LOXL2: variants seen among roughly 807,000 people sequenced by gnomAD.
LOXL2 encodes lysyl oxidase homolog 2.
In LOXL2, 70 loss-of-function variants were observed where a neutral mutation model predicts 93.0. The observed-to-expected ratio is 0.75, with a 90% CI of 0.62 to 0.92. LOXL2 has a LOEUF of 0.92. Among genes scored for constraint, LOXL2 ranks in the 40% least tolerant of loss-of-function variants. The probability of loss-of-function intolerance (pLI) is 0.00; values close to 1 mark genes in which losing one functional copy is unlikely to be tolerated. For synonymous variants in LOXL2, 438 were observed against 413.2 expected (o/e 1.06, Z -0.73); for missense variants, 973 against 1,054.9 (o/e 0.92, Z 1.08).
intron 1 of LOXL2, among the ~76,000 whole-genome samples, chr8:23,397,655 G>A (rs989731901): frequency 2.6e-5 from 4 of 151,994 alleles, no homozygotes; most frequent in African/African-American, 9.7e-5. Flanking sequence ...GCGGGCGCCT[G>A]TGGTCCCAGC....
intron 1 of LOXL2, among the ~76,000 whole-genome samples, chr8:23,401,226 G>A (rs1458985723): frequency 1.3e-5 from 2 of 152,182 alleles, no homozygotes; most frequent in African/African-American, 4.8e-5. Context: ...AGAATCAAAT[G>A]ACATAGTGGA....
At chr8:23,347,462 A>C (rs1804011575) in intron 3 of LOXL2, among the ~76,000 whole-genome samples, 1 of 152,132 alleles carries the variant, frequency 6.6e-6, no homozygotes, top group African/African-American at 2.4e-5. Flanking sequence ...GTTCGAGACC[A>C]GCCTGACTAA....
At chr8:23,300,190 C>T (rs1004163031) in intron 12 of LOXL2, among the ~76,000 whole-genome samples, 2 of 152,166 alleles carry the variant, frequency 1.3e-5, no homozygotes, top group African/African-American at 2.4e-5. Flanking sequence ...AGCAAGGGCT[C>T]GTGTTGGGGA....
chr8:23,318,581 G>A (rs1803443629), intron 8 of LOXL2, among the ~76,000 whole-genome samples: 1 of 152,122 alleles, frequency 6.6e-6, no homozygotes, highest in Non-Finnish European at 1.5e-5. Flanking sequence ...TGTAATCAGT[G>A]GCAGATTTGG....
At chr8:23,374,397 C>T (rs1162865357) in intron 1 of LOXL2, among the ~76,000 whole-genome samples, 5 of 152,114 alleles carry the variant, frequency 3.3e-5, no homozygotes, top group African/African-American at 1.2e-4. Context: ...GTGAATAGTG[C>T]CGCAATAAAC....
intron 1 of LOXL2, among the ~76,000 whole-genome samples, chr8:23,376,554 G>A (rs967350024): frequency 2.6e-5 from 4 of 152,154 alleles, no homozygotes; most frequent in African/African-American, 4.8e-5. Flanking sequence ...ATTCGGCTGC[G>A]AATCTGTCTG....
At position 23,371,509 on chromosome 8, in the gene LOXL2, T is replaced by A. The variant is rs183811689; in HGVS notation, c.-83-3075A>T. 3.5e-3 allele frequency among the ~76,000 whole-genome samples: 532 copies of A among 152,002 alleles called. 3 individuals carry two copies. The highest frequency in any genetic ancestry group is 0.012 in the African/African-American group (516 of 41,430). ...GGCTCACGCCTGTAATCCCAGCACT[T>A]TGGGAGGCTGAGGCGGGCGGATCAC... is the stretch of plus-strand genomic sequence containing the variant. On this transcript the variant is annotated intron_variant, in intron 1 of 13. Transcript: ENST00000389131.
chr8:23,304,492 G>A (rs1478363254), intron 10 of LOXL2, among the ~76,000 whole-genome samples: 1 of 152,184 alleles, frequency 6.6e-6, no homozygotes, highest in East Asian at 1.9e-4. Flanking sequence ...CCATTACAGG[G>A]ACATTTGGAA....
intron 1 of LOXL2, among the ~76,000 whole-genome samples, chr8:23,372,123 A>G (rs1375875115): frequency 6.6e-6 from 1 of 152,224 alleles, no homozygotes; most frequent in Non-Finnish European, 1.5e-5. Context: ...AAACTCCAAT[A>G]TATCAGTAAT....
chr8:23,368,523 A>G lies in LOXL2; in HGVS notation c.-83-89T>C, dbSNP rs1030816784. 3 of 619,654 alleles carry G rather than the reference A, an allele frequency of 4.8e-6. No individual in the cohort carries two copies. The African/African-American group carries it at 5.5e-5, about 11-fold the overall frequency. 38.4% of individuals were successfully genotyped at this position (619,654 alleles called of 1,614,324 possible). ...CAGCGATTTCATACCCCTTGGCTTA[A>G]TATGGAAAGCTCGTCCATTCTCGAC... On this transcript the variant is annotated intron_variant, in intron 1 of 13. Coordinates refer to ENST00000389131, the MANE Select transcript of LOXL2 (RefSeq NM_002318.3).
At chr8:23,331,375 C>T (rs1044199791) in intron 5 of LOXL2, 3 of 152,328 alleles carry the variant, frequency 2.0e-5, no homozygotes, top group Admixed American at 2.0e-4. Flanking sequence ...TGGTGACAGC[C>T]CACCTGGAAC....
At chr8:23,298,752 C>T (rs1803078908) in intron 13 of LOXL2, 84 bp downstream of exon 13, 2 of 820,888 alleles carry the variant, frequency 2.4e-6, no homozygotes, top group South Asian at 1.4e-5. Flanking sequence ...AGCTCTTTAC[C>T]CAAATTAGGA....
intron 2 of LOXL2, among the ~76,000 whole-genome samples, chr8:23,361,580 C>T (rs542020404): frequency 1.3e-5 from 2 of 152,282 alleles, no homozygotes; most frequent in East Asian, 1.9e-4. Flanking sequence ...CAGTGGCTCA[C>T]GCCTGTAATC....
chr8:23,346,205 T>TAAAATAAAATAAAATAAAATA (rs139242619), intron 3 of LOXL2, among the ~76,000 whole-genome samples: 1 of 80,962 alleles, frequency 1.2e-5, no homozygotes, highest in African/African-American at 6.6e-5. Context: ...TAAAATAAAA[T>TAAAATAAAATAAAATAAAATA]AAATAAAATA....
intron 1 of LOXL2, among the ~76,000 whole-genome samples, chr8:23,399,521 C>A (rs4871874): frequency 0.098 from 14,971 of 152,108 alleles, 765 homozygotes; most frequent in South Asian, 0.17. Context: ...GGAAAAGAGA[C>A]TTGAGCTAGC....
At chr8:23,363,927 T>C (rs1279383574) in intron 2 of LOXL2, 1 of 152,266 alleles carries the variant, frequency 6.6e-6, no homozygotes, top group Admixed American at 6.5e-5. Flanking sequence ...CAGGCTGGAG[T>C]GCAGTGGTGC....
Position 23,341,206 on chromosome 8 carries a change from G to A in LOXL2, c.532-3C>T. On this transcript the variant is annotated splice_polypyrimidine_tract_variant and splice_region_variant and intron_variant, in intron 3 of 13. Transcript: ENST00000389131. ...TCCTCCACCTGGATATTCAGGTTCT[G>A]GGAAGAAAGAGGCGTGGAAGGAGAG... 6.2e-7 allele frequency: 1 copy of A among 1,612,134 alleles called. No homozygotes were observed. Among genetic ancestry groups the A allele is most frequent in the Non-Finnish European group, 8.5e-7 (1 of 1,179,150 alleles).
In LOXL2 at chr8:23,359,883, T is replaced by C. The variant is rs1371992025; in HGVS notation, c.531+207A>G. Among the ~76,000 whole-genome samples, 3 of 152,282 alleles carry C rather than the reference T, an allele frequency of 2.0e-5. 1 individual carries two copies. Among genetic ancestry groups the C allele is most frequent in the African/African-American group, 7.2e-5 (3 of 41,560 alleles). ...CACCTCTGTGCCTCTGCCCATGCTGTTCCTTGTGCCTGGAATGCCCTTTCC... is the reference window on the plus strand; with the variant it reads ...CACCTCTGTGCCTCTGCCCATGCTGCTCCTTGTGCCTGGAATGCCCTTTCC... On this transcript the variant is annotated intron_variant, in intron 3 of 13. Transcript: ENST00000389131.
rs914418880 is a variant in LOXL2 at position 23,342,458 on chromosome 8, G to T, written c.532-1255C>A. Among the ~76,000 whole-genome samples the T allele has an allele frequency of 2.7e-5, 4 of 148,704 alleles. No individual in the cohort carries two copies. The South Asian group carries it at 8.5e-4, about 32-fold the overall frequency. On this transcript the variant is annotated intron_variant, in intron 3 of 13. Transcript: ENST00000389131. ...CTTTTTTTTTTTTTTTTGAGACGGA[G>T]TCTCGCTCTGTCGCCCAGGCTGGAG...
Sources: gnomAD v4.1 joint callset for allele counts (sites outside exome capture counted in the v4.1 genomes callset) on GRCh38, gnomAD v4.1.1 for gene constraint, MANE v1.5 for transcripts, NCBI Gene and HGNC (gene_info 2026-07-23, HGNC 2026-07-21) for gene names.